Variants in ONECUT1 observed in about 807,000 individuals in gnomAD.
The protein encoded by ONECUT1 is hepatocyte nuclear factor 6.
ONECUT1 carries 12 observed loss-of-function variants against 25.6 expected under a neutral mutation model. That is an observed-to-expected ratio of 0.47 (90% CI 0.30 to 0.76). ONECUT1 has a LOEUF of 0.76. Ranked by LOEUF, ONECUT1 falls within the 30% of genes least tolerant of loss-of-function variation. ONECUT1 has a pLI of 0.07. For synonymous variants in ONECUT1, 285 were observed against 270.2 expected (o/e 1.05, Z -0.54); for missense variants, 620 against 651.2 (o/e 0.95, Z 0.52).
intron 1 of ONECUT1, among the ~76,000 whole-genome samples, chr15:52,782,295 T>C (rs2440321): frequency 0.025 from 3,756 of 152,354 alleles, 147 homozygotes; most frequent in African/African-American, 0.086. Context: ...GTAATTTTTA[T>C]GTTTGTATCA....
chr15:52,757,945 C>T (rs2083684011), intron 1 of ONECUT1, 98 bp from the exon 2 acceptor site: 2 of 1,326,146 alleles, frequency 1.5e-6, no homozygotes, highest in African/African-American at 1.5e-5. Flanking sequence ...TTCCTCATGG[C>T]CTGCTTTCTG....
In ONECUT1 at chr15:52,764,547, C is replaced by T. The variant is rs573892507; in HGVS notation, c.1106-6700G>A. Among the ~76,000 whole-genome samples the T allele has an allele frequency of 2.0e-5, 3 of 152,342 alleles. No homozygotes were observed. In the South Asian group the frequency reaches 6.2e-4, roughly 32 times the overall value. On this transcript the variant is annotated intron_variant, in intron 1 of 1. Transcript: ENST00000305901. ...GAGCTGTGTGCTGGCAGCTTATCCA[C>T]TCATATGTGGCTTGCTCTCTGTGAG...
Position 52,763,862 on chromosome 15 carries a change from A to C in ONECUT1, c.1106-6015T>G, listed in dbSNP as rs778102039. ...TATGGCAGTTTGACATTGCTGCAAC[A>C]TTCAAATGTGTGATTATTTCTCTAG... is the stretch of plus-strand genomic sequence containing the variant. On this transcript the variant is annotated intron_variant, in intron 1 of 1. Transcript: ENST00000305901. Among the ~76,000 whole-genome samples, 4 of 152,326 alleles carry C rather than the reference A, an allele frequency of 2.6e-5. No homozygotes were observed. The South Asian group carries it at 8.3e-4, about 32-fold the overall frequency.
At position 52,788,590 on chromosome 15, in the gene ONECUT1, T is replaced by C; in HGVS notation, c.1105+190A>G. The C allele has an allele frequency of 1.6e-6, 1 of 614,564 alleles. No homozygotes were observed. The highest frequency in any genetic ancestry group is 2.8e-6 in the Non-Finnish European group (1 of 360,734). The allele number at this position is 614,564 out of a possible 1,614,324, so 38.1% of individuals were successfully genotyped here. On this transcript the variant is annotated intron_variant, in intron 1 of 1. Coordinates refer to ENST00000305901, the MANE Select transcript of ONECUT1 (RefSeq NM_004498.4). This position sits in a 1 kb window ranked among gnomAD's most constrained non-coding sequence, Gnocchi z 4.3. ...CGGAGCCTTCCACAGCCCAACACCC[T>C]GAGCCCTGGAGTAGGCAATTTGCTC...
intron 1 of ONECUT1, among the ~76,000 whole-genome samples, chr15:52,777,737 C>CACACACACACACACA (rs57187579): frequency 9.7e-6 from 1 of 103,458 alleles, no homozygotes; most frequent in African/African-American, 4.4e-5. Context: ...CACACACACA[C>CACACACACACACACA]AAAAAAACAT....
At chr15:52,767,277 C>T (rs540544284) in intron 1 of ONECUT1, among the ~76,000 whole-genome samples, 10 of 152,240 alleles carry the variant, frequency 6.6e-5, no homozygotes, top group Admixed American at 2.6e-4. Flanking sequence ...TACCAGCTTT[C>T]GCTTTCTTTG....
At chr15:52,782,547 C>T (rs916482615) in intron 1 of ONECUT1, among the ~76,000 whole-genome samples, 12 of 152,242 alleles carry the variant, frequency 7.9e-5, no homozygotes, top group East Asian at 1.9e-4. Flanking sequence ...GCTTTCTTCT[C>T]CCAAAGATGC....
At chr15:52,758,243 T>C (rs112243221) in intron 1 of ONECUT1, among the ~76,000 whole-genome samples, 2 of 152,336 alleles carry the variant, frequency 1.3e-5, no homozygotes, top group East Asian at 1.9e-4. Flanking sequence ...TGGTATGAAA[T>C]AGTGTATGCA....
chr15:52,761,747 G>T (rs1230355671), intron 1 of ONECUT1, among the ~76,000 whole-genome samples: 2 of 152,124 alleles, frequency 1.3e-5, no homozygotes, highest in Non-Finnish European at 2.9e-5. Flanking sequence ...CTTCTTGGGC[G>T]GTCAAATCAA....
intron 1 of ONECUT1, among the ~76,000 whole-genome samples, chr15:52,765,411 AC>A (rs1340583731): frequency 6.6e-6 from 1 of 152,050 alleles, no homozygotes; most frequent in Non-Finnish European, 1.5e-5. Context: ...ACTGAGAGAG[AC>A]CCTTTTCTGG....
In ONECUT1 at chr15:52,788,666, G is replaced by A; in HGVS notation, c.1105+114C>T. 8.5e-7 allele frequency: 1 copy of A among 1,180,144 alleles called. No individual in the cohort carries two copies. Among genetic ancestry groups the A allele is most frequent in the Middle Eastern group, 3.0e-4 (1 of 3,370 alleles). 73.1% of individuals were successfully genotyped at this position (1,180,144 alleles called of 1,614,324 possible). ...GGCACAGGGAGTCCCCCTTCTAGGG[G>A]TAGGGGCGGGCGGGATGAAGCGCAC... On this transcript the variant is annotated intron_variant, in intron 1 of 1. Transcript: ENST00000305901. This position sits in a 1 kb window ranked among gnomAD's most constrained non-coding sequence, Gnocchi z 4.3.
At chr15:52,761,889 C>T (rs2083708081) in intron 1 of ONECUT1, among the ~76,000 whole-genome samples, 1 of 152,176 alleles carries the variant, frequency 6.6e-6, no homozygotes, top group Admixed American at 6.5e-5. Context: ...GTAACCACTT[C>T]TCTATGGAAC....
chr15:52,772,068 T>C (rs148973957), intron 1 of ONECUT1, among the ~76,000 whole-genome samples: 12 of 152,300 alleles, frequency 7.9e-5, no homozygotes, highest in African/African-American at 2.4e-4. Flanking sequence ...CCCAGCTGCA[T>C]TGATTGTCAT....
chr15:52,780,828 C>T, intron 1 of ONECUT1: 1 of 1,341,372 alleles, frequency 7.5e-7, no homozygotes, highest in Non-Finnish European at 9.5e-7. Context: ...ACTATGAGAT[C>T]ATCACCAGAT....
rs1040624495 is a variant in ONECUT1 at position 52,788,702 on chromosome 15, C to T, written c.1105+78G>A. 1.1e-5 allele frequency: 17 copies of T among 1,490,602 alleles called. No individual in the cohort carries two copies. The Admixed American group carries it at 3.1e-4, about 27-fold the overall frequency. 92.3% of individuals were successfully genotyped at this position (1,490,602 alleles called of 1,614,324 possible). On this transcript the variant is annotated intron_variant, in intron 1 of 1. Transcript: ENST00000305901. The surrounding 1 kb of genome is among the most constrained non-coding windows in gnomAD (Gnocchi z 4.3). ...CGGGATGAAGCGCACCCAGCCCTCT[C>T]TCCTACCCTTCCTCCTTTGGTCCCT...
At position 52,784,129 on chromosome 15, in the gene ONECUT1, C is replaced by T. The variant is rs2456506; in HGVS notation, c.1105+4651G>A. On this transcript the variant is annotated intron_variant, in intron 1 of 1. Transcript: ENST00000305901. The surrounding 1 kb of genome is among the most constrained non-coding windows in gnomAD (Gnocchi z 5.0). ...AGCCGCAGCACAGCCCGGCTACCCC[C>T]AGAAAGGGAGCCGAATGGAGGGAAG... Among the ~76,000 whole-genome samples, 3 of 152,030 alleles carry T rather than the reference C, an allele frequency of 2.0e-5. No individual in the cohort carries two copies. Among genetic ancestry groups the T allele is most frequent in the Non-Finnish European group, 4.4e-5 (3 of 67,974 alleles).
At chr15:52,778,019 T>C (rs750856606) in intron 1 of ONECUT1, among the ~76,000 whole-genome samples, 36 of 152,220 alleles carry the variant, frequency 2.4e-4, no homozygotes, top group Non-Finnish European at 5.1e-4. Flanking sequence ...TCTTGAGGTT[T>C]GTTTGGTCTG....
At chr15:52,773,067 C>T (rs1002708826) in intron 1 of ONECUT1, among the ~76,000 whole-genome samples, 16 of 152,002 alleles carry the variant, frequency 1.1e-4, no homozygotes, top group Non-Finnish European at 2.2e-4. Flanking sequence ...GATGCTGGGG[C>T]GTGGGTATGG....
In ONECUT1 at chr15:52,784,173, C is replaced by A. The variant is rs79101008; in HGVS notation, c.1105+4607G>T. On this transcript the variant is annotated intron_variant, in intron 1 of 1. Transcript: ENST00000305901. The surrounding 1 kb of genome is among the most constrained non-coding windows in gnomAD (Gnocchi z 5.0). The stretch of plus-strand genomic sequence containing the variant: ...AGGGAAGCAGGGAGCGCGGAGGGCT[C>A]GAGGCTTGCAGATAAGGAGAGGCGC... 0.071 allele frequency among the ~76,000 whole-genome samples: 10,728 copies of A among 152,146 alleles called. 500 individuals are homozygous for A. Among genetic ancestry groups the A allele is most frequent in the South Asian group, 0.11 (539 of 4,812 alleles).
Sources: gnomAD v4.1 joint callset for allele counts (sites outside exome capture counted in the v4.1 genomes callset) on GRCh38, gnomAD v4.1.1 for gene constraint, Gnocchi (gnomAD v3.1) non-coding constraint, MANE v1.5 for transcripts, NCBI Gene and HGNC (gene_info 2026-07-23, HGNC 2026-07-21) for gene names.